MARCHF8: variants seen among roughly 807,000 people sequenced by gnomAD.
MARCHF8 encodes membrane associated ring-CH-type finger 8.
MARCHF8 carries 40 observed loss-of-function variants against 51.6 expected under a neutral mutation model. That is an observed-to-expected ratio of 0.77 (90% CI 0.60 to 1.01). The LOEUF (loss-of-function observed/expected upper bound fraction) is 1.01. Among genes scored for constraint, MARCHF8 ranks in the 50% least tolerant of loss-of-function variants. MARCHF8 has a pLI of 0.00. For missense variants in MARCHF8, 685 were observed against 708.6 expected (o/e 0.97, Z 0.38); for synonymous variants, 263 against 280.3 (o/e 0.94, Z 0.62).
In MARCHF8 at chr10:45,533,278, A is replaced by G; in HGVS notation, c.-67T>C. The G allele has an allele frequency of 6.6e-7, 1 of 1,515,422 alleles. No homozygotes were observed. Among genetic ancestry groups the G allele is most frequent in the Non-Finnish European group, 8.8e-7 (1 of 1,135,122 alleles). 93.9% of individuals were successfully genotyped at this position (1,515,422 alleles called of 1,614,324 possible). A position where few individuals can be genotyped will look rare whatever the true frequency, so the allele number is the denominator to read the frequency against. ...TCCACTGGTAGAGTCATTTTGGGCC[A>G]TGGATTTCAAGCTGAGAGAAAATGA... On this transcript the variant is annotated 5_prime_UTR_variant, in exon 2 of 8. The change abolishes an upstream ATG in the 5' untranslated region. Coordinates refer to ENST00000453424, the MANE Select transcript of MARCHF8 (RefSeq NM_001282866.2).
intron 2 of MARCHF8, among the ~76,000 whole-genome samples, chr10:45,525,951 C>T (rs1289417884): frequency 1.3e-5 from 2 of 152,086 alleles, no homozygotes; most frequent in Admixed American, 6.5e-5. Flanking sequence ...TATGCTACAT[C>T]CTAGAGATGA....
At chr10:45,577,198 T>C (rs2044499880) in intron 1 of MARCHF8, among the ~76,000 whole-genome samples, 1 of 151,206 alleles carries the variant, frequency 6.6e-6, no homozygotes, top group Non-Finnish European at 1.5e-5. Context: ...ACATAGACAG[T>C]AGAAGGATGG....
At chr10:45,470,422 T>C (rs1843135145) in intron 3 of MARCHF8, among the ~76,000 whole-genome samples, 1 of 152,268 alleles carries the variant, frequency 6.6e-6, no homozygotes, top group African/African-American at 2.4e-5. Flanking sequence ...GCGGTATCAA[T>C]CTCTCTGACT....
intron 1 of MARCHF8, among the ~76,000 whole-genome samples, chr10:45,559,289 A>G (rs972885388): frequency 6.6e-6 from 1 of 152,244 alleles, no homozygotes; most frequent in South Asian, 2.1e-4. Flanking sequence ...CAAATGTGCT[A>G]TAATTTTTTT....
intron 1 of MARCHF8, among the ~76,000 whole-genome samples, chr10:45,534,293 A>C (rs191964270): frequency 6.6e-6 from 1 of 152,218 alleles, no homozygotes; most frequent in Admixed American, 6.5e-5. Context: ...TTGGCCCACC[A>C]GACTATAGTT....
At chr10:45,459,003 G>T in intron 7 of MARCHF8, 117 bp downstream of exon 7, 2 of 1,324,760 alleles carry the variant, frequency 1.5e-6, no homozygotes, top group Non-Finnish European at 2.1e-6. Flanking sequence ...CCTCCTAACT[G>T]ATGTCCCTCC....
chr10:45,521,675 AAT>A (rs574064270), intron 2 of MARCHF8, among the ~76,000 whole-genome samples: 1 of 152,334 alleles, frequency 6.6e-6, no homozygotes, highest in South Asian at 2.1e-4. Flanking sequence ...TTGGCCTTTA[AAT>A]TATTTCGTAT....
intron 1 of MARCHF8, among the ~76,000 whole-genome samples, chr10:45,550,129 T>G (rs2044178339): frequency 1.3e-5 from 2 of 152,208 alleles, no homozygotes; most frequent in Admixed American, 6.5e-5. Flanking sequence ...ATAATAATAG[T>G]TTTTATCAGT....
intron 1 of MARCHF8, among the ~76,000 whole-genome samples, chr10:45,555,743 C>CAA (rs34811393): frequency 0.08 from 7,661 of 96,022 alleles, 261 homozygotes; most frequent in East Asian, 0.15. Flanking sequence ...GACCCTGTCT[C>CAA]AAAAAAAAAA....
At chr10:45,507,651 A>T (rs1455951277) in intron 2 of MARCHF8, among the ~76,000 whole-genome samples, 1 of 152,156 alleles carries the variant, frequency 6.6e-6, no homozygotes, top group Non-Finnish European at 1.5e-5. Context: ...CTCTCAGAAG[A>T]CCCTACATCC....
In MARCHF8 at chr10:45,568,021, CTTTAT is replaced by C. The variant is rs201475548; in HGVS notation, c.-79+26209_-79+26213del. Reference sequence around the variant, plus strand: ...CATTTATTTGGGTAATTCCTAGGTGCTTTATTTTATGTGTGGCTTCCAAATGGGAT... The same window carrying C: ...CATTTATTTGGGTAATTCCTAGGTGCTTTATGTGTGGCTTCCAAATGGGAT... On this transcript the variant is annotated intron_variant, in intron 1 of 6. Coordinates refer to the MARCHF8 transcript ENST00000319836. Among the ~76,000 whole-genome samples the C allele has an allele frequency of 5.6e-4, 85 of 152,154 alleles. No homozygotes were observed. In the East Asian group the frequency reaches 0.016, roughly 28 times the overall value.
chr10:45,496,830 T>C (rs1240432844), intron 2 of MARCHF8, among the ~76,000 whole-genome samples: 4 of 151,070 alleles, frequency 2.6e-5, no homozygotes, highest in African/African-American at 4.9e-5. Flanking sequence ...TAAATAGCAT[T>C]AGAAATCTTT....
Position 45,542,218 on chromosome 10 carries a change from C to T in MARCHF8, c.-78-8929G>A, listed in dbSNP as rs2044063109. ...AAATTAGCCGGGGCATGGTGGCGGGCACCTGTAGTCCCCAGCTACTTGGTA... is the reference window on the plus strand; with the variant it reads ...AAATTAGCCGGGGCATGGTGGCGGGTACCTGTAGTCCCCAGCTACTTGGTA... On this transcript the variant is annotated intron_variant, in intron 1 of 6. Coordinates refer to the MARCHF8 transcript ENST00000319836. Among the ~76,000 whole-genome samples, 3 of 151,864 alleles carry T rather than the reference C, an allele frequency of 2.0e-5. No individual in the cohort carries two copies. In the South Asian group the frequency reaches 6.2e-4, roughly 32 times the overall value.
At chr10:45,500,118 T>C (rs180702252) in intron 2 of MARCHF8, among the ~76,000 whole-genome samples, 60 of 152,334 alleles carry the variant, frequency 3.9e-4, no homozygotes, top group African/African-American at 1.4e-3. Flanking sequence ...CATCAATATA[T>C]AGTAGTTTTC....
chr10:45,567,166 C>A (rs1589183827), intron 1 of MARCHF8, among the ~76,000 whole-genome samples: 1 of 152,120 alleles, frequency 6.6e-6, no homozygotes, highest in Non-Finnish European at 1.5e-5. Context: ...TCCTTATATA[C>A]TCTGGTTATT....
At chr10:45,575,321 T>C (rs920617826) in intron 1 of MARCHF8, among the ~76,000 whole-genome samples, 2 of 152,130 alleles carry the variant, frequency 1.3e-5, no homozygotes, top group African/African-American at 4.8e-5. Context: ...TATCAATCTC[T>C]TCCCACACAA....
At chr10:45,584,987 T>C (rs2044603027) in intron 1 of MARCHF8, among the ~76,000 whole-genome samples, 1 of 152,154 alleles carries the variant, frequency 6.6e-6, no homozygotes, top group Admixed American at 6.5e-5. Context: ...GTGTGGGAGT[T>C]GATTTATCTC....
rs1009916550 is a variant in MARCHF8 at position 45,516,942 on chromosome 10, C to A, written c.102+16168G>T. Among the ~76,000 whole-genome samples the A allele has an allele frequency of 7.1e-4, 108 of 152,230 alleles. 1 individual carries two copies. Among genetic ancestry groups the A allele is most frequent in the African/African-American group, 2.5e-3 (105 of 41,456 alleles). On this transcript the variant is annotated intron_variant, in intron 2 of 7. Transcript: ENST00000453424. ...CAGTCACCTGCCAAGGCAGCTAAAT[C>A]TATTCACTCTGCTAAAATATATGTA...
chr10:45,558,044 T>C (rs1004196561), intron 1 of MARCHF8, among the ~76,000 whole-genome samples: 1 of 152,244 alleles, frequency 6.6e-6, no homozygotes, highest in African/African-American at 2.4e-5. Flanking sequence ...TTTTTCCATG[T>C]GTTACTATAG....
Sources: gnomAD v4.1 joint callset for allele counts (sites outside exome capture counted in the v4.1 genomes callset) on GRCh38, gnomAD v4.1.1 for gene constraint, MANE v1.5 for transcripts, NCBI Gene and HGNC (gene_info 2026-07-23, HGNC 2026-07-21) for gene names.